EIF3B: variants seen among roughly 807,000 people sequenced by gnomAD.
The protein encoded by EIF3B is eukaryotic translation initiation factor 3 subunit 9.
In EIF3B, 10 loss-of-function variants were observed where a neutral mutation model predicts 104.6. The observed-to-expected ratio is 0.10, with a 90% confidence interval of 0.06 to 0.16. The LOEUF is 0.16. Ranked by LOEUF, EIF3B falls within the 10% of genes least tolerant of loss-of-function variation. The probability of loss-of-function intolerance (pLI) is 1.00; values close to 1 mark genes in which losing one functional copy is unlikely to be tolerated. For missense variants in EIF3B, 1,014 were observed against 1,087.9 expected, an observed-to-expected ratio of 0.93 and a Z score of 0.96; for synonymous variants, 542 against 417.2, an observed-to-expected ratio of 1.30 and a Z score of -3.65.
chr7:2,359,232 A>G (rs1007378562), intron 1 of EIF3B, among the ~76,000 whole-genome samples: 3 of 152,162 alleles, frequency 2.0e-5, no homozygotes, highest in African/African-American at 7.2e-5. Flanking sequence ...TGTAATTTCC[A>G]AAGTGGTAAG....
chr7:2,364,663 T>A (rs1305507167), intron 6 of EIF3B, 134 bp downstream of exon 6: 38 of 789,056 alleles, frequency 4.8e-5, no homozygotes, highest in Non-Finnish European at 7.4e-5. Flanking sequence ...AATAAGCTTT[T>A]TACTGAGATC....
At chr7:2,359,685 G>A (rs1257723348) in intron 1 of EIF3B, among the ~76,000 whole-genome samples, 1 of 152,368 alleles carries the variant, frequency 6.6e-6, no homozygotes. Flanking sequence ...GGTCAGAACC[G>A]GAGGTGACAG....
chr7:2,369,383 A>G (rs1357730301), intron 9 of EIF3B, 89 bp from the exon 10 acceptor site: 2 of 1,375,514 alleles, frequency 1.5e-6, no homozygotes, highest in South Asian at 1.2e-5. Context: ...GAGCTTCTAT[A>G]TAGCAAATGA....
At position 2,367,037 on chromosome 7, in the gene EIF3B, T is replaced by G; in HGVS notation, c.1395T>G (p.Ser465=). 6.2e-7 allele frequency: 1 copy of G among 1,612,498 alleles called. No homozygotes were observed. Among genetic ancestry groups the G allele is most frequent in the Non-Finnish European group, 8.5e-7 (1 of 1,179,692 alleles). The part of the protein sequence containing the change: ...GLLDKKSLKI[S]GIKDFSWSPG... ...TGGACAAGAAGAGTTTGAAGATCTCTGGGATAAAGTGAGTATTCTTATCAG... is the reference window on the plus strand; with the variant it reads ...TGGACAAGAAGAGTTTGAAGATCTCGGGGATAAAGTGAGTATTCTTATCAG... The change falls in exon 9 of 19, where the codon TCT becomes TCG. Residue 465 remains serine (S), a synonymous_variant. Coordinates refer to ENST00000360876, the MANE Select transcript of EIF3B (RefSeq NM_001037283.2).
chr7:2,377,184 G>C, intron 15 of EIF3B, 109 bp downstream of exon 15: 1 of 1,409,168 alleles, frequency 7.1e-7, no homozygotes, highest in Non-Finnish European at 9.4e-7. Context: ...GGATAAAAAC[G>C]TGACATTTGC....
rs756807280 is a variant in EIF3B, at chr7:2,355,262, A to T, written c.341A>T (p.Asp114Val). The change falls in exon 1 of 19, where the codon GAC (aspartate) becomes GTC (valine). Residue 114 changes from aspartate (D) to valine (V), a missense_variant. This residue lies in a region of EIF3B where 488 missense variants were observed against 404.3 expected (regional missense o/e 1.21). Transcript: ENST00000360876. ...GAGGCCCCAGGAGAGCAGGCTCGGG[A>T]CGAGCGCTCCGACAGCCGGGCCCAG... ...QGEAPGEQARDERSDSRAQAV... is the reference protein window; with the variant it reads ...QGEAPGEQARVERSDSRAQAV... 4 of 1,530,830 alleles carry T rather than the reference A, an allele frequency of 2.6e-6. No individual in the cohort carries two copies. The Admixed American group carries it at 7.9e-5, about 30-fold the overall frequency. 94.8% of individuals were successfully genotyped at this position (1,530,830 alleles called of 1,614,324 possible). A position where few individuals can be genotyped will look rare whatever the true frequency, so the allele number is the denominator to read the frequency against.
At chr7:2,363,033 C>T (rs774524307) in intron 3 of EIF3B, 37 bp from the exon 4 acceptor site, 1 of 1,610,816 alleles carries the variant, frequency 6.2e-7, no homozygotes, top group Non-Finnish European at 8.5e-7. Flanking sequence ...TTCTAGTCGT[C>T]AGGGCGTGGG....
At chr7:2,359,540 TTTTCGTC>T (rs1308791687) in intron 1 of EIF3B, among the ~76,000 whole-genome samples, 1 of 152,188 alleles carries the variant, frequency 6.6e-6, no homozygotes, top group Non-Finnish European at 1.5e-5. Context: ...TCCATCTGCC[TTTTCGTC>T]TATATCCTCT....
intron 6 of EIF3B, 32 bp from the exon 7 acceptor site, chr7:2,366,285 G>A (rs1025251092): frequency 5.1e-6 from 8 of 1,558,636 alleles, no homozygotes; most frequent in Non-Finnish European, 6.9e-6. Context: ...CGTGAGAGGA[G>A]GATAGTGTAC....
chr7:2,366,206 T>G, intron 6 of EIF3B, 111 bp from the exon 7 acceptor site: 2 of 1,196,232 alleles, frequency 1.7e-6, no homozygotes, highest in East Asian at 2.5e-5. Flanking sequence ...AGTGTGGGGT[T>G]TGGGGAGAGA....
chr7:2,366,558 G>C lies in EIF3B; in HGVS notation c.1323G>C (p.Met441Ile). ...WSHDGKFFAR[M>I]TLDTLSIYET... The stretch of plus-strand genomic sequence containing the variant: ...ATGATGGCAAATTCTTTGCCAGAAT[G>C]ACCCTGGATACGCTTAGCATCTATG... Residue 441 changes from methionine (M) to isoleucine (I), a missense_variant, in exon 8 of 19, where the codon ATG (methionine) becomes ATC (isoleucine). Coordinates refer to ENST00000360876, the MANE Select transcript of EIF3B (RefSeq NM_001037283.2). 6.2e-7 allele frequency: 1 copy of C among 1,614,166 alleles called. No individual in the cohort carries two copies. Among genetic ancestry groups the C allele is most frequent in the Non-Finnish European group, 8.5e-7 (1 of 1,180,042 alleles).
Position 2,371,762 on chromosome 7 carries a change from CTT to C in EIF3B, c.1615-8_1615-7del. ...CTGTCCAGAATGTCACCCCTTCCCC[CTT>C]TTTTTTAAACAGGGTGTTGTCACAA... is the stretch of plus-strand genomic sequence containing the variant. On this transcript the variant is annotated splice_polypyrimidine_tract_variant and intron_variant, in intron 10 of 18. Coordinates refer to ENST00000360876, the MANE Select transcript of EIF3B (RefSeq NM_001037283.2). 6.3e-7 allele frequency: 1 copy of C among 1,593,938 alleles called. No individual in the cohort carries two copies. Among genetic ancestry groups the C allele is most frequent in the Non-Finnish European group, 8.6e-7 (1 of 1,161,980 alleles).
rs1312544023 is a variant in EIF3B at position 2,379,262 on chromosome 7, G to T, written c.2341+20G>T. The T allele has an allele frequency of 6.2e-7, 1 of 1,601,962 alleles. No homozygotes were observed. The highest frequency in any genetic ancestry group is 1.7e-5 in the Admixed American group (1 of 58,996). ...GAGGAGGTAACTTAGAGATCCCTCA[G>T]TCCCCAGGAGCTGGCCCTTACGCTG... On this transcript the variant is annotated intron_variant, in intron 17 of 18. Transcript: ENST00000360876.
intron 1 of EIF3B, among the ~76,000 whole-genome samples, chr7:2,358,171 C>T (rs1223164589): frequency 6.6e-6 from 1 of 152,120 alleles, no homozygotes; most frequent in Non-Finnish European, 1.5e-5. Context: ...GCAGCCTCTG[C>T]CTCCCCGCTT....
chr7:2,359,190 G>A (rs1207969753), intron 1 of EIF3B, among the ~76,000 whole-genome samples: 2 of 152,200 alleles, frequency 1.3e-5, no homozygotes, highest in Non-Finnish European at 2.9e-5. Context: ...TTTGGGCTCT[G>A]CCTGGCTCTT....
At position 2,380,234 on chromosome 7, in the gene EIF3B, GAGC is replaced by G; in HGVS notation, c.*46_*48del. ...GGACTCCGCCTGCTGTTCCCGCGCT[GAGC>G]TACAGGACTCCCGAGTGTGAGCCGC... is the stretch of plus-strand genomic sequence containing the variant. On this transcript the variant is annotated 3_prime_UTR_variant, in exon 19 of 19. Coordinates refer to ENST00000360876, the MANE Select transcript of EIF3B (RefSeq NM_001037283.2). 1 of 444,640 alleles carries G rather than the reference GAGC, an allele frequency of 2.2e-6. No homozygotes were observed. Among genetic ancestry groups the G allele is most frequent in the Non-Finnish European group, 4.5e-6 (1 of 222,706 alleles). The allele number at this position is 444,640 out of a possible 1,614,324, so 27.5% of individuals were successfully genotyped here.
chr7:2,354,865 T>C lies in EIF3B; in HGVS notation c.-57T>C. 1 of 1,105,164 alleles carries C rather than the reference T, an allele frequency of 9.0e-7. No homozygotes were observed. The highest frequency in any genetic ancestry group is 1.1e-6 in the Non-Finnish European group (1 of 907,798). The allele number at this position is 1,105,164 out of a possible 1,614,324, so 68.5% of individuals were successfully genotyped here. A position where few individuals can be genotyped will look rare whatever the true frequency, so the allele number is the denominator to read the frequency against. The stretch of plus-strand genomic sequence containing the variant: ...AGCCGTCGCGGCGCGCGGTGCGGCC[T>C]GGGAGAGTCGGAAGCGCGGCGGCCG... On this transcript the variant is annotated 5_prime_UTR_variant, in exon 1 of 19. Coordinates refer to ENST00000360876, the MANE Select transcript of EIF3B (RefSeq NM_001037283.2).
At chr7:2,362,311 G>A (rs1195540077) in intron 2 of EIF3B, among the ~76,000 whole-genome samples, 1 of 152,128 alleles carries the variant, frequency 6.6e-6, no homozygotes. Flanking sequence ...CAGTAAATCT[G>A]CATAGTTTTA....
At chr7:2,372,170 C>T in intron 11 of EIF3B, 1 of 334,170 alleles carries the variant, frequency 3.0e-6, no homozygotes, top group Non-Finnish European at 5.6e-6. Context: ...TGCGCCCCTG[C>T]ACTCCAGCCT....
Sources: allele counts gnomAD v4.1 joint callset (sites outside exome capture counted in the v4.1 genomes callset), GRCh38; gene constraint gnomAD v4.1.1; regional missense constraint gnomAD v4.1.1; transcripts MANE v1.5; gene names NCBI Gene and HGNC (gene_info 2026-07-23, HGNC 2026-07-21).